Variants in TRPM3 observed in about 807,000 individuals in gnomAD.
The protein encoded by TRPM3 is long transient receptor potential channel 3.
In TRPM3, 77 loss-of-function variants were observed where a neutral mutation model predicts 181.2. The ratio of observed to expected loss-of-function variants is 0.42; its 90% confidence interval spans 0.35 to 0.51. The LOEUF (loss-of-function observed/expected upper bound fraction) is 0.51, where lower values mean the gene tolerates loss of function less well. Ranked by LOEUF, TRPM3 falls within the 20% of genes least tolerant of loss-of-function variation. TRPM3 has a pLI of 0.01. For missense variants in TRPM3, 1,759 were observed against 2,196.7 expected, an observed-to-expected ratio of 0.80 and a Z score of 3.98; for synonymous variants, 745 against 796.4, an observed-to-expected ratio of 0.94 and a Z score of 1.09.
chr9:71,349,034 C>A (rs1000133681), intron 1 of TRPM3, among the ~76,000 whole-genome samples: 1 of 152,180 alleles, frequency 6.6e-6, no homozygotes, highest in African/African-American at 2.4e-5. Flanking sequence ...TAAATTCCCC[C>A]TTCCTGGGCT....
At chr9:70,540,732 T>C (rs2043103478) in intron 25 of TRPM3, among the ~76,000 whole-genome samples, 1 of 152,158 alleles carries the variant, frequency 6.6e-6, no homozygotes, top group African/African-American at 2.4e-5. Flanking sequence ...TTTTATTTTA[T>C]TTTTTCCTGA....
chr9:70,600,972 C>T (rs1263069649), intron 20 of TRPM3, among the ~76,000 whole-genome samples: 2 of 152,060 alleles, frequency 1.3e-5, no homozygotes, highest in African/African-American at 4.8e-5. Flanking sequence ...AGTCAAGAAT[C>T]CCCCCTGCCT....
intron 25 of TRPM3, among the ~76,000 whole-genome samples, chr9:70,537,845 T>G (rs1465901784): frequency 6.6e-6 from 1 of 152,128 alleles, no homozygotes; most frequent in East Asian, 1.9e-4. Flanking sequence ...AAAATGAGAA[T>G]GTTGCATTTT....
chr9:70,655,230 T>C (rs7022834), intron 9 of TRPM3, among the ~76,000 whole-genome samples: 59,759 of 141,110 alleles, frequency 0.42, 13,173 homozygotes, highest in African/African-American at 0.59. Context: ...CACTTGAACC[T>C]GGGAGGCAGA....
chr9:70,928,924 C>T (rs2133382183), intron 1 of TRPM3, among the ~76,000 whole-genome samples: 1 of 152,122 alleles, frequency 6.6e-6, no homozygotes, highest in East Asian at 1.9e-4. Flanking sequence ...TACAAAAGGC[C>T]CTTGGTTCCT....
chr9:71,055,114 G>A (rs893555301), intron 1 of TRPM3, among the ~76,000 whole-genome samples: 4 of 152,076 alleles, frequency 2.6e-5, no homozygotes, highest in African/African-American at 9.7e-5. Context: ...AGCTTAGGTT[G>A]TATTTCGACC....
chr9:70,857,623 A>T (rs116949100), intron 3 of TRPM3, among the ~76,000 whole-genome samples: 1,756 of 152,298 alleles, frequency 0.012, 21 homozygotes, highest in Non-Finnish European at 0.018. Flanking sequence ...CTAGGTGTAT[A>T]CAACAGAGAA....
chr9:70,868,424 A>G (rs2095703022), intron 1 of TRPM3, among the ~76,000 whole-genome samples: 1 of 152,100 alleles, frequency 6.6e-6, no homozygotes, highest in Non-Finnish European at 1.5e-5. Flanking sequence ...AAAATAATAA[A>G]AACAAGTCTG....
intron 1 of TRPM3, among the ~76,000 whole-genome samples, chr9:71,414,248 A>G (rs1284203426): frequency 6.6e-6 from 1 of 152,104 alleles, no homozygotes; most frequent in African/African-American, 2.4e-5. Context: ...AAGAGAGACC[A>G]TGGAAATAAA....
intron 22 of TRPM3, among the ~76,000 whole-genome samples, chr9:70,565,521 G>A (rs2050333289): frequency 6.6e-6 from 1 of 152,006 alleles, no homozygotes; most frequent in African/African-American, 2.4e-5. Context: ...TCGAACCGCT[G>A]ACCTCATGTG....
intron 1 of TRPM3, among the ~76,000 whole-genome samples, chr9:71,066,149 T>C (rs1455520680): frequency 6.6e-6 from 1 of 152,178 alleles, no homozygotes; most frequent in Non-Finnish European, 1.5e-5. Context: ...TGTTTAAAGT[T>C]AGAAAAAATA....
intron 6 of TRPM3, among the ~76,000 whole-genome samples, chr9:70,794,098 T>C (rs2086375782): frequency 6.6e-6 from 1 of 152,154 alleles, no homozygotes; most frequent in Non-Finnish European, 1.5e-5. Context: ...GCAGATTTTT[T>C]TTTTTAAGTG....
chr9:70,529,464 T>A lies in TRPM3; in HGVS notation c.*6489A>T, dbSNP rs1047521674. The A allele has an allele frequency of 1.1e-4, 16 of 152,172 alleles. No homozygotes were observed. The highest frequency in any genetic ancestry group is 3.9e-4 in the African/African-American group (16 of 41,436). The allele number at this position is 152,172 out of a possible 1,614,324, so 9.4% of individuals were successfully genotyped here. ...TATTATGAAATGGCTATGAGTACAGTATACTGCACGTACTGTTTTTACACA... is the reference window on the plus strand; with the variant it reads ...TATTATGAAATGGCTATGAGTACAGAATACTGCACGTACTGTTTTTACACA... On this transcript the variant is annotated 3_prime_UTR_variant, in exon 26 of 26. Coordinates refer to ENST00000677713, the MANE Select transcript of TRPM3 (RefSeq NM_001366145.2).
chr9:70,900,641 T>G lies in TRPM3; in HGVS notation c.178-36130A>C, dbSNP rs1182321451. On this transcript the variant is annotated intron_variant, in intron 1 of 25. Coordinates refer to ENST00000677713, the MANE Select transcript of TRPM3 (RefSeq NM_001366145.2). ...TCCCAATATAAGCAGTTGGTTCACTTGGATCAATCTTTATGCACCTCCTCG... is the reference window on the plus strand; with the variant it reads ...TCCCAATATAAGCAGTTGGTTCACTGGGATCAATCTTTATGCACCTCCTCG... Among the ~76,000 whole-genome samples the G allele has an allele frequency of 2.0e-5, 3 of 152,228 alleles. No homozygotes were observed. The East Asian group carries it at 5.8e-4, about 29-fold the overall frequency.
intron 1 of TRPM3, among the ~76,000 whole-genome samples, chr9:71,313,138 T>C (rs2088143364): frequency 6.6e-6 from 1 of 152,140 alleles, no homozygotes; most frequent in African/African-American, 2.4e-5. Flanking sequence ...GGGGAGGCTG[T>C]GCATATGTGG....
At chr9:71,010,519 T>A (rs1193642463) in intron 1 of TRPM3, among the ~76,000 whole-genome samples, 1 of 151,982 alleles carries the variant, frequency 6.6e-6, no homozygotes, top group Non-Finnish European at 1.5e-5. Flanking sequence ...TGAAAACAAA[T>A]GCTCAACATC....
chr9:70,902,216 C>A (rs539420856), intron 1 of TRPM3, among the ~76,000 whole-genome samples: 1 of 152,356 alleles, frequency 6.6e-6, no homozygotes, highest in South Asian at 2.1e-4. Context: ...AGGGCAGTTT[C>A]AGAGAAGTCT....
At chr9:71,395,706 A>AT (rs2093174514) in intron 1 of TRPM3, among the ~76,000 whole-genome samples, 1 of 152,220 alleles carries the variant, frequency 6.6e-6, no homozygotes, top group African/African-American at 2.4e-5. Context: ...ATTCTAGTTA[A>AT]TTATTTCTCA....
chr9:70,907,397 G>A (rs1030010119), intron 1 of TRPM3, among the ~76,000 whole-genome samples: 17 of 152,290 alleles, frequency 1.1e-4, no homozygotes, highest in Admixed American at 9.1e-4. Context: ...CTCTTAAAAT[G>A]TCTCCGAAGT....
Sources: allele counts gnomAD v4.1 joint callset (sites outside exome capture counted in the v4.1 genomes callset), GRCh38; gene constraint gnomAD v4.1.1; transcripts MANE v1.5; gene names NCBI Gene and HGNC (gene_info 2026-07-23, HGNC 2026-07-21).